SIPA1L1: variants seen among roughly 807,000 people sequenced by gnomAD.
SIPA1L1 encodes the protein signal induced proliferation associated 1 like 1, also known as signal-induced proliferation-associated 1-like protein 1.
Under a neutral mutation model 162.7 loss-of-function variants are expected in SIPA1L1, and 26 were observed. The observed-to-expected ratio is 0.16, with a 90% CI of 0.12 to 0.22. The LOEUF is 0.22. SIPA1L1 is among the 10% of genes least tolerant of loss of function. SIPA1L1 has a pLI of 1.00. For missense variants in SIPA1L1, 1,874 were observed against 2,241.0 expected (o/e 0.84, Z 3.31); for synonymous variants, 829 against 837.4 (o/e 0.99, Z 0.17).
chr14:71,340,767 C>T (rs932926711), intron 2 of SIPA1L1, among the ~76,000 whole-genome samples: 6 of 152,116 alleles, frequency 3.9e-5, no homozygotes, highest in African/African-American at 1.4e-4. Flanking sequence ...GAAACCCCAT[C>T]TCTACTAAAA....
At chr14:71,543,697 TTTTC>T (rs1004270744) in intron 4 of SIPA1L1, among the ~76,000 whole-genome samples, 6 of 151,418 alleles carry the variant, frequency 4.0e-5, no homozygotes, top group Non-Finnish European at 7.4e-5. Context: ...TCAGTAACTT[TTTTC>T]TTTTTTTTTT....
At chr14:71,591,506 A>G (rs2035391027) in intron 5 of SIPA1L1, among the ~76,000 whole-genome samples, 1 of 152,202 alleles carries the variant, frequency 6.6e-6, no homozygotes, top group African/African-American at 2.4e-5. Context: ...GTTCATAATA[A>G]CCTCATAAAT....
chr14:71,516,377 G>A (rs1403383302), intron 3 of SIPA1L1, among the ~76,000 whole-genome samples: 1 of 152,084 alleles, frequency 6.6e-6, no homozygotes, highest in Admixed American at 6.5e-5. Context: ...TAATAAAATA[G>A]CAGGATTTTT....
chr14:71,537,734 T>G (rs2054034931), intron 4 of SIPA1L1, among the ~76,000 whole-genome samples: 1 of 152,114 alleles, frequency 6.6e-6, no homozygotes, highest in Non-Finnish European at 1.5e-5. Context: ...AAGTTTTACT[T>G]TCTTCTAAGT....
chr14:71,720,100 T>G (rs1030745803), intron 17 of SIPA1L1, among the ~76,000 whole-genome samples: 8 of 152,214 alleles, frequency 5.3e-5, no homozygotes, highest in African/African-American at 1.9e-4. Context: ...TTTGAGAGTT[T>G]GATTAATATA....
At chr14:71,501,681 T>C (rs2050227566) in intron 2 of SIPA1L1, among the ~76,000 whole-genome samples, 1 of 151,970 alleles carries the variant, frequency 6.6e-6, no homozygotes, top group South Asian at 2.1e-4. Context: ...CTAAAAGATG[T>C]ACATGTAGAA....
At chr14:71,446,894 G>GGTTTTTTTTTTTTTTTTTT (rs2045394010) in intron 2 of SIPA1L1, among the ~76,000 whole-genome samples, 3 of 87,406 alleles carry the variant, frequency 3.4e-5, no homozygotes, top group African/African-American at 4.4e-5. Context: ...GATGGGCTCT[G>GGTTTTTTTTTTTTTTTTTT]TTTTTTTTTT....
chr14:71,384,245 C>G (rs1036913630), intron 2 of SIPA1L1, among the ~76,000 whole-genome samples: 3 of 152,102 alleles, frequency 2.0e-5, no homozygotes, highest in African/African-American at 7.2e-5. Context: ...TCTTTGCTTT[C>G]TTTCTGAGTT....
chr14:71,487,964 A>G (rs529980522), intron 2 of SIPA1L1, among the ~76,000 whole-genome samples: 3 of 152,256 alleles, frequency 2.0e-5, no homozygotes, highest in Non-Finnish European at 4.4e-5. Flanking sequence ...AGACAGATAC[A>G]TACACATACA....
rs1437477769 is a variant in SIPA1L1, at chr14:71,588,065, A to G, written c.193A>G (p.Ile65Val). 3.1e-6 allele frequency: 5 copies of G among 1,614,064 alleles called. No individual in the cohort carries two copies. Among genetic ancestry groups the G allele is most frequent in the Non-Finnish European group, 4.2e-6 (5 of 1,180,012 alleles). The change falls in exon 5 of 24, where the codon ATA becomes GTA. Residue 65 changes from isoleucine to valine, a missense_variant. Transcript: ENST00000381232. The surrounding 1 kb of genome is among the most constrained non-coding windows in gnomAD (Gnocchi z 4.3). ...CCCCCGAAGTGAAGGTTCTCACCAT[A>G]TAACCTCAACCCCCGGAGTCCCAAA... ...GPPRSEGSHH[I>V]TSTPGVPKMG... is the part of the protein sequence containing the mutation.
intron 2 of SIPA1L1, among the ~76,000 whole-genome samples, chr14:71,466,957 T>C (rs1273911281): frequency 6.6e-6 from 1 of 152,232 alleles, no homozygotes; most frequent in Non-Finnish European, 1.5e-5. Context: ...TATAAATTAG[T>C]CATTAATAGA....
chr14:71,358,957 G>A (rs932952833), intron 2 of SIPA1L1, among the ~76,000 whole-genome samples: 2 of 152,110 alleles, frequency 1.3e-5, no homozygotes, highest in African/African-American at 4.8e-5. Flanking sequence ...CTTGCACCAG[G>A]CCCCACCTCT....
Position 71,672,599 on chromosome 14 carries a change from G to T in SIPA1L1, c.3081G>T (p.Pro1027=), listed in dbSNP as rs765473965. The change falls in exon 12 of 24, where the codon CCG becomes CCT. Residue 1027 remains proline, a synonymous_variant. Coordinates refer to ENST00000381232, the MANE Select transcript of SIPA1L1 (RefSeq NM_001386936.1). Reference sequence around the variant, plus strand: ...CGGTGAAGGTTGTCATCATTCCCCCGCATGATGACTGCACCCCGCGGAGGT... The same window carrying T: ...CGGTGAAGGTTGTCATCATTCCCCCTCATGATGACTGCACCCCGCGGAGGT... ...SVTVKVVIIP[P]HDDCTPRRSC... 1 of 1,614,036 alleles carries T rather than the reference G, an allele frequency of 6.2e-7. No homozygotes were observed. The highest frequency in any genetic ancestry group is 8.5e-7 in the Non-Finnish European group (1 of 1,179,878).
intron 2 of SIPA1L1, among the ~76,000 whole-genome samples, chr14:71,511,424 A>T (rs531756800): frequency 6.6e-6 from 1 of 151,130 alleles, no homozygotes; most frequent in Admixed American, 6.6e-5. Flanking sequence ...AGCTGAGACT[A>T]CAGGCGTGGG....
chr14:71,649,870 A>C (rs774986481), intron 7 of SIPA1L1, among the ~76,000 whole-genome samples: 34 of 152,166 alleles, frequency 2.2e-4, no homozygotes, highest in Middle Eastern at 3.2e-3. Flanking sequence ...CAAAAAAAAA[A>C]CTGCAAAAAT....
At chr14:71,364,597 A>G (rs1165149038) in intron 2 of SIPA1L1, among the ~76,000 whole-genome samples, 1 of 151,972 alleles carries the variant, frequency 6.6e-6, no homozygotes, top group Non-Finnish European at 1.5e-5. Context: ...CAGTTAAAGG[A>G]TATTTGGGTT....
chr14:71,674,562 TTTTTTTTG>T (rs1566622760), intron 12 of SIPA1L1, among the ~76,000 whole-genome samples: 19 of 149,114 alleles, frequency 1.3e-4, no homozygotes, highest in Middle Eastern at 3.5e-3. Flanking sequence ...TTTTTTTTGT[TTTTTTTTG>T]TTTTTTTTTT....
chr14:71,366,877 T>C (rs76230813), intron 2 of SIPA1L1, among the ~76,000 whole-genome samples: 5,388 of 152,278 alleles, frequency 0.035, 197 homozygotes, highest in African/African-American at 0.088. Flanking sequence ...TTAAAACTTA[T>C]TTTTACTCAG....
At chr14:71,470,011 T>C (rs1385001953) in intron 2 of SIPA1L1, among the ~76,000 whole-genome samples, 2 of 152,250 alleles carry the variant, frequency 1.3e-5, no homozygotes, top group East Asian at 1.9e-4. Context: ...CTGGTGGTGC[T>C]TGGCAGACCC....
Sources: allele counts gnomAD v4.1 joint callset (sites outside exome capture counted in the v4.1 genomes callset), GRCh38; gene constraint gnomAD v4.1.1; non-coding constraint Gnocchi (gnomAD v3.1); transcripts MANE v1.5; gene names NCBI Gene and HGNC (gene_info 2026-07-23, HGNC 2026-07-21).